PCDHGA5: variants seen among roughly 807,000 people sequenced by gnomAD.
PCDHGA5 encodes the protein protocadherin gamma subfamily A, 5, also known as protocadherin gamma-A5.
PCDHGA5 carries 36 observed loss-of-function variants against 56.7 expected under a neutral mutation model. The ratio of observed to expected loss-of-function variants is 0.64; its 90% CI spans 0.49 to 0.84. The LOEUF (loss-of-function observed/expected upper bound fraction) is 0.84. Among genes scored for constraint, PCDHGA5 ranks in the 40% least tolerant of loss-of-function variants. The pLI, the probability that PCDHGA5 is intolerant of heterozygous loss-of-function variation, is 0.00. For missense variants in PCDHGA5, 1,305 were observed against 1,201.5 expected, an observed-to-expected ratio of 1.09 and a Z score of -1.27; for synonymous variants, 563 against 520.2, an observed-to-expected ratio of 1.08 and a Z score of -1.12.
chr5:141,423,119 G>A (rs769320490), intron 1 of PCDHGA5: 1 of 1,613,774 alleles, frequency 6.2e-7, no homozygotes, highest in South Asian at 1.1e-5. Context: ...CGTACAGCGC[G>A]GGCACTGCTG....
At chr5:141,415,083 G>A (rs747351388) in intron 1 of PCDHGA5, 4 of 1,613,514 alleles carry the variant, frequency 2.5e-6, no homozygotes, top group Non-Finnish European at 3.4e-6. Context: ...CGCGAGCCCT[G>A]CTGGACAGAG....
rs1236961370 is a variant in PCDHGA5, at chr5:141,512,621, C to T, written c.*1448C>T. 1 of 152,964 alleles carries T rather than the reference C, an allele frequency of 6.5e-6. No homozygotes were observed. The highest frequency in any genetic ancestry group is 1.5e-5 in the Non-Finnish European group (1 of 68,612). 9.5% of individuals were successfully genotyped at this position (152,964 alleles called of 1,614,324 possible). A position where few individuals can be genotyped will look rare whatever the true frequency, so the allele number is the denominator to read the frequency against. Reference sequence around the variant, plus strand: ...CCATCCAGCGGGGCTGCCAGAGAACCCCAGACCTGCCCTTACAGTAGTGTA... The same window carrying T: ...CCATCCAGCGGGGCTGCCAGAGAACTCCAGACCTGCCCTTACAGTAGTGTA... On this transcript the variant is annotated 3_prime_UTR_variant, in exon 4 of 4. Coordinates refer to ENST00000518069, the MANE Select transcript of PCDHGA5 (RefSeq NM_018918.3).
At chr5:141,409,050 G>C (rs371257178) in intron 1 of PCDHGA5, 1 of 1,613,988 alleles carries the variant, frequency 6.2e-7, no homozygotes. Context: ...TACTTCCGAA[G>C]CACTGCCCAG....
At position 141,487,915 on chromosome 5, in the gene PCDHGA5, G is replaced by T; in HGVS notation, c.2422-6892G>T. The T allele has an allele frequency of 1.5e-6, 1 of 655,128 alleles. No homozygotes were observed. Among genetic ancestry groups the T allele is most frequent in the Middle Eastern group, 3.5e-4 (1 of 2,862 alleles). The allele number at this position is 655,128 out of a possible 1,614,324, so 40.6% of individuals were successfully genotyped here. ...GATGATGGAATGTGGGAGCACAGGA[G>T]GCTACAGTGCACAGGGTACAGTGCA... On this transcript the variant is annotated intron_variant, in intron 1 of 3. Coordinates refer to ENST00000518069, the MANE Select transcript of PCDHGA5 (RefSeq NM_018918.3). This position sits in a 1 kb window ranked among gnomAD's most constrained non-coding sequence, Gnocchi z 5.0.
intron 1 of PCDHGA5, chr5:141,428,224 G>A (rs1232582892): frequency 1.7e-6 from 2 of 1,164,198 alleles, no homozygotes; most frequent in Non-Finnish European, 1.3e-6. Flanking sequence ...AGTCTTCGCA[G>A]ACAGCCTGCA....
chr5:141,372,931 A>G, intron 1 of PCDHGA5: 1 of 890,318 alleles, frequency 1.1e-6, no homozygotes, highest in Admixed American at 3.1e-5. Flanking sequence ...TTTCTGGTGT[A>G]GAGTAGGGTG....
intron 1 of PCDHGA5, among the ~76,000 whole-genome samples, chr5:141,435,303 A>G (rs2097757060): frequency 6.6e-6 from 1 of 152,192 alleles, no homozygotes; most frequent in Admixed American, 6.5e-5. Flanking sequence ...TCATGGTTTT[A>G]AATCATTCAT....
chr5:141,432,088 AGACACCAAC>A lies in PCDHGA5; in HGVS notation c.2422-62714_2422-62706del, dbSNP rs1561857611. 6.2e-7 allele frequency: 1 copy of A among 1,614,148 alleles called. No individual in the cohort carries two copies. Among genetic ancestry groups the A allele is most frequent in the Admixed American group, 1.7e-5 (1 of 60,024 alleles). ...AAACTCATATCTCGCTGAACGTGGC[AGACACCAAC>A]GACAACCCGCCGGTCTTCCCTCAGG... is the stretch of plus-strand genomic sequence containing the variant. On this transcript the variant is annotated intron_variant, in intron 1 of 3. Transcript: ENST00000518069. This position sits in a 1 kb window ranked among gnomAD's most constrained non-coding sequence, Gnocchi z 6.0.
At position 141,491,613 on chromosome 5, in the gene PCDHGA5, A is replaced by AC; in HGVS notation, c.2422-3190dup. On this transcript the variant is annotated intron_variant, in intron 1 of 3. Coordinates refer to ENST00000518069, the MANE Select transcript of PCDHGA5 (RefSeq NM_018918.3). The surrounding 1 kb of genome is among the most constrained non-coding windows in gnomAD (Gnocchi z 6.9). Reference sequence around the variant, plus strand: ...ACGGCAGTGACTTCACTTTTCTAAGACCCCTCAGCGTTCAGCAGCCCACAG... The same window carrying AC: ...ACGGCAGTGACTTCACTTTTCTAAGACCCCCTCAGCGTTCAGCAGCCCACAG... 6.2e-7 allele frequency: 1 copy of AC among 1,613,568 alleles called. No homozygotes were observed. Among genetic ancestry groups the AC allele is most frequent in the Non-Finnish European group, 8.5e-7 (1 of 1,179,968 alleles).
At chr5:141,371,868 G>C (rs755178809) in intron 1 of PCDHGA5, 2 of 1,613,510 alleles carry the variant, frequency 1.2e-6, no homozygotes, top group Non-Finnish European at 8.5e-7. Flanking sequence ...CTACTACATC[G>C]TGGCCAGTGA....
chr5:141,495,878 T>C (rs2099764378), intron 2 of PCDHGA5, among the ~76,000 whole-genome samples: 1 of 152,184 alleles, frequency 6.6e-6, no homozygotes, highest in African/African-American at 2.4e-5. Context: ...TTCCTCTCTG[T>C]TCTTTGTCTC....
rs144613597 is a variant in PCDHGA5, at chr5:141,483,029, G to A, written c.2422-11778G>A. 3.9e-3 allele frequency among the ~76,000 whole-genome samples: 588 copies of A among 152,220 alleles called. 6 individuals are homozygous for A. Among genetic ancestry groups the A allele is most frequent in the Admixed American group, 0.011 (169 of 15,280 alleles). ...GAACCCGGGAGGCAGAGGTTGCAAT[G>A]AGCTGGTGTCAGGCCACTGCACTCC... On this transcript the variant is annotated intron_variant, in intron 1 of 3. Transcript: ENST00000518069.
chr5:141,404,551 G>C (rs764332245), intron 1 of PCDHGA5: 1 of 1,613,866 alleles, frequency 6.2e-7, no homozygotes, highest in Non-Finnish European at 8.5e-7. Flanking sequence ...TGCAGGTGAC[G>C]GCAAGTGACA....
At chr5:141,430,781 C>T (rs559701152) in intron 1 of PCDHGA5, 6 of 1,510,922 alleles carry the variant, frequency 4.0e-6, no homozygotes, top group South Asian at 2.7e-5. Context: ...GCGACTGCAC[C>T]GGGACTACAA....
chr5:141,403,135 GCGCCGAGTC>G, intron 1 of PCDHGA5: 4 of 1,614,064 alleles, frequency 2.5e-6, no homozygotes, highest in Non-Finnish European at 3.4e-6. Context: ...AGCTGGCGGA[GCGCCGAGTC>G]CGCATCGTCT....
In PCDHGA5 at chr5:141,490,410, T is replaced by C. The variant is rs2099699827; in HGVS notation, c.2422-4397T>C. ...ATGGTGAAGTGAGCCTTGATATCTC[T>C]CCGGACCTGCCATTTCAGATTAAGC... On this transcript the variant is annotated intron_variant, in intron 1 of 3. Coordinates refer to ENST00000518069, the MANE Select transcript of PCDHGA5 (RefSeq NM_018918.3). The surrounding 1 kb of genome is among the most constrained non-coding windows in gnomAD (Gnocchi z 5.4). 1 of 1,614,172 alleles carries C rather than the reference T, an allele frequency of 6.2e-7. No individual in the cohort carries two copies. Among genetic ancestry groups the C allele is most frequent in the Non-Finnish European group, 8.5e-7 (1 of 1,180,042 alleles).
chr5:141,389,930 C>G (rs1255366269), intron 1 of PCDHGA5: 1 of 1,614,064 alleles, frequency 6.2e-7, no homozygotes, highest in East Asian at 2.2e-5. Flanking sequence ...CCTCTGACCT[C>G]CAGGCTGAGC....
intron 1 of PCDHGA5, chr5:141,409,656 G>A: frequency 6.2e-7 from 1 of 1,613,618 alleles, no homozygotes; most frequent in South Asian, 1.1e-5. Context: ...GGGCTCAATG[G>A]CCACATCTCC....
At chr5:141,391,253 T>C (rs1157052865) in intron 1 of PCDHGA5, 1 of 152,146 alleles carries the variant, frequency 6.6e-6, no homozygotes, top group Non-Finnish European at 1.5e-5. Flanking sequence ...AAGCAACTGC[T>C]TCAGTTAATG....
Sources: gnomAD v4.1 joint callset for allele counts (sites outside exome capture counted in the v4.1 genomes callset) on GRCh38, gnomAD v4.1.1 for gene constraint, Gnocchi (gnomAD v3.1) non-coding constraint, MANE v1.5 for transcripts, NCBI Gene and HGNC (gene_info 2026-07-23, HGNC 2026-07-21) for gene names.